Variants in GRIK4 observed in about 807,000 individuals in gnomAD.
The protein encoded by GRIK4 is glutamate receptor ionotropic, kainate 4.
A neutral mutation model predicts 104.9 loss-of-function variants in GRIK4; 40 were observed. The observed-to-expected ratio is 0.38, with a 90% CI of 0.30 to 0.50. The LOEUF (loss-of-function observed/expected upper bound fraction) is 0.50. GRIK4 is among the 20% of genes least tolerant of loss of function. GRIK4 has a pLI of 0.93. For missense variants in GRIK4, 1,047 were observed against 1,308.1 expected, an observed-to-expected ratio of 0.80 and a Z score of 3.08; for synonymous variants, 485 against 524.9, an observed-to-expected ratio of 0.92 and a Z score of 1.04.
intron 13 of GRIK4, among the ~76,000 whole-genome samples, chr11:120,928,942 C>T (rs1258268017): frequency 6.6e-6 from 1 of 151,344 alleles, no homozygotes; most frequent in African/African-American, 2.4e-5. Flanking sequence ...AACATGGGCT[C>T]GCACTGGTTA....
At chr11:120,911,308 G>C (rs1171987436) in intron 13 of GRIK4, among the ~76,000 whole-genome samples, 1 of 148,240 alleles carries the variant, frequency 6.7e-6, no homozygotes, top group Non-Finnish European at 1.5e-5. Context: ...GCGCGATCTC[G>C]ACTCACTGCA....
intron 1 of GRIK4, among the ~76,000 whole-genome samples, chr11:120,589,485 G>A (rs1047117727): frequency 9.2e-5 from 14 of 152,104 alleles, no homozygotes; most frequent in African/African-American, 2.4e-4. Flanking sequence ...CTCAGCCCTC[G>A]GAACCTCCAC....
chr11:120,749,033 C>G (rs1951497427), intron 3 of GRIK4, among the ~76,000 whole-genome samples: 1 of 152,226 alleles, frequency 6.6e-6, no homozygotes, highest in Non-Finnish European at 1.5e-5. Flanking sequence ...ATCTCCTCCT[C>G]CTGCTGATTT....
At chr11:120,623,460 C>T (rs1184559919) in intron 1 of GRIK4, among the ~76,000 whole-genome samples, 1 of 152,120 alleles carries the variant, frequency 6.6e-6, no homozygotes, top group East Asian at 1.9e-4. Context: ...GTGACCCCAT[C>T]GGTCTGTGAA....
chr11:120,660,476 C>A, intron 3 of GRIK4, 76 bp downstream of exon 3: 1 of 1,170,578 alleles, frequency 8.5e-7, no homozygotes, highest in South Asian at 1.3e-5. Context: ...GAGTGCTGCA[C>A]AGGACTTGGG....
At chr11:120,665,746 G>A (rs189696848) in intron 3 of GRIK4, among the ~76,000 whole-genome samples, 133 of 152,256 alleles carry the variant, frequency 8.7e-4, no homozygotes, top group Middle Eastern at 3.4e-3. Flanking sequence ...AAGTCTGCGC[G>A]TGTGTCTGCA....
chr11:120,819,604 G>A lies in GRIK4; in HGVS notation c.346-151G>A. The A allele has an allele frequency of 1.4e-6, 1 of 692,218 alleles. No individual in the cohort carries two copies. Among genetic ancestry groups the A allele is most frequent in the South Asian group, 1.7e-5 (1 of 58,050 alleles). The allele number at this position is 692,218 out of a possible 1,614,324, so 42.9% of individuals were successfully genotyped here. A position where few individuals can be genotyped will look rare whatever the true frequency, so the allele number is the denominator to read the frequency against. ...ATCGCTCGTCTTCCTCCCACGGAGTGGGTGCCCTGGGAGCTCCTTCTCCCA... is the reference window on the plus strand; with the variant it reads ...ATCGCTCGTCTTCCTCCCACGGAGTAGGTGCCCTGGGAGCTCCTTCTCCCA... On this transcript the variant is annotated intron_variant, in intron 5 of 20. Transcript: ENST00000527524. The surrounding 1 kb of genome is among the most constrained non-coding windows in gnomAD (Gnocchi z 4.3).
chr11:120,765,687 TTTG>T, intron 3 of GRIK4, among the ~76,000 whole-genome samples: 1 of 152,318 alleles, frequency 6.6e-6, no homozygotes, highest in Middle Eastern at 3.4e-3. Context: ...TTGCTTTCTG[TTTG>T]TTATTTTTCC....
intron 1 of GRIK4, among the ~76,000 whole-genome samples, chr11:120,565,145 T>C (rs4297478): frequency 0.32 from 48,776 of 152,136 alleles, 9,675 homozygotes; most frequent in Non-Finnish European, 0.45. Context: ...TCATCCTGCC[T>C]GTGGGGAGCG....
intron 1 of GRIK4, among the ~76,000 whole-genome samples, chr11:120,646,866 C>T (rs2135210527): frequency 6.6e-6 from 1 of 152,318 alleles, no homozygotes; most frequent in East Asian, 1.9e-4. Context: ...CCATTTTTCA[C>T]ATGTAACATC....
chr11:120,628,978 T>C lies in GRIK4; in HGVS notation c.-158-24707T>C, dbSNP rs1949297313. 1.3e-5 allele frequency among the ~76,000 whole-genome samples: 2 copies of C among 152,152 alleles called. 1 individual carries two copies. The highest frequency in any genetic ancestry group is 4.8e-5 in the African/African-American group (2 of 41,442). Reference sequence around the variant, plus strand: ...ATGCGTCTGCTGCCCTCCTAGGAACTCGCAGTCTAGTCAGGGAGATGAAAT... The same window carrying C: ...ATGCGTCTGCTGCCCTCCTAGGAACCCGCAGTCTAGTCAGGGAGATGAAAT... On this transcript the variant is annotated intron_variant, in intron 1 of 20. Transcript: ENST00000527524.
chr11:120,783,375 T>C (rs1333807229), intron 3 of GRIK4, among the ~76,000 whole-genome samples: 1 of 152,088 alleles, frequency 6.6e-6, no homozygotes, highest in Non-Finnish European at 1.5e-5. Context: ...ATTTCTGTTC[T>C]CCCCCTTTCT....
At chr11:120,787,698 C>T (rs940850048) in intron 3 of GRIK4, among the ~76,000 whole-genome samples, 8 of 151,376 alleles carry the variant, frequency 5.3e-5, no homozygotes, top group Non-Finnish European at 4.4e-5. Flanking sequence ...CCTGGCCTCA[C>T]GTGATCCACC....
chr11:120,747,708 A>G (rs1951469553), intron 3 of GRIK4, among the ~76,000 whole-genome samples: 1 of 152,264 alleles, frequency 6.6e-6, no homozygotes, highest in Non-Finnish European at 1.5e-5. Context: ...ATAGCTCAGT[A>G]GTACTGTTAA....
intron 3 of GRIK4, among the ~76,000 whole-genome samples, chr11:120,741,808 T>C (rs765393343): frequency 2.6e-5 from 4 of 152,184 alleles, no homozygotes; most frequent in Non-Finnish European, 5.9e-5. Flanking sequence ...CAATTGTCAT[T>C]ACCCTGCTCT....
intron 13 of GRIK4, among the ~76,000 whole-genome samples, chr11:120,937,105 T>G (rs1249852165): frequency 6.6e-6 from 1 of 152,224 alleles, no homozygotes; most frequent in Non-Finnish European, 1.5e-5. Flanking sequence ...TGGCACGATC[T>G]CAGCTCACTG....
At chr11:120,782,660 AG>A (rs143780285) in intron 3 of GRIK4, among the ~76,000 whole-genome samples, 3 of 152,150 alleles carry the variant, frequency 2.0e-5, no homozygotes, top group Non-Finnish European at 4.4e-5. Flanking sequence ...GCCCCGTCAA[AG>A]GGTGCCTTCT....
rs184025247 is a variant in GRIK4, at chr11:120,746,319, C to G, written c.83-56374C>G. On this transcript the variant is annotated intron_variant, in intron 3 of 20. Transcript: ENST00000527524. ...TAAACCTCTCTAAGATGGAGCTTCC[C>G]TTTCTGAAAACTCAAGGGAGGTACA... 1.9e-4 allele frequency among the ~76,000 whole-genome samples: 29 copies of G among 152,230 alleles called. No homozygotes were observed. In the East Asian group the frequency reaches 2.9e-3, roughly 15 times the overall value.
chr11:120,862,275 TGCA>T (rs1384241519), intron 9 of GRIK4, 155 bp downstream of exon 9: 9 of 674,116 alleles, frequency 1.3e-5, no homozygotes, highest in South Asian at 9.4e-5. Flanking sequence ...GGGAAGTGGT[TGCA>T]GGGTATGAGG....
Sources: gnomAD v4.1 joint callset for allele counts (sites outside exome capture counted in the v4.1 genomes callset) on GRCh38, gnomAD v4.1.1 for gene constraint, Gnocchi (gnomAD v3.1) non-coding constraint, MANE v1.5 for transcripts, NCBI Gene and HGNC (gene_info 2026-07-23, HGNC 2026-07-21) for gene names.